BBS5: variants seen among roughly 807,000 people sequenced by gnomAD.
BBS5 encodes the protein Bardet-Biedl syndrome 5, also known as BBSome complex member BBS5.
Under a neutral mutation model 50.2 loss-of-function variants are expected in BBS5, and 39 were observed. The ratio of observed to expected loss-of-function variants is 0.78; its 90% confidence interval spans 0.60 to 1.01. The LOEUF (loss-of-function observed/expected upper bound fraction) is 1.01, where lower values mean the gene tolerates loss of function less well. Ranked by LOEUF, BBS5 falls within the 50% of genes least tolerant of loss-of-function variation. The pLI is 0.00. For missense variants in BBS5, 356 were observed against 401.5 expected (o/e 0.89, Z 0.97); for synonymous variants, 134 against 133.1 (o/e 1.01, Z -0.05).
At position 169,479,514 on chromosome 2, in the gene BBS5, G is replaced by A. The variant is rs1879466; in HGVS notation, c.-40G>A. On this transcript the variant is annotated 5_prime_UTR_variant, in exon 1 of 12. Coordinates refer to ENST00000295240, the MANE Select transcript of BBS5 (RefSeq NM_152384.3). ...GAGCCAGAGAGACGCAGCTAGGCCT[G>A]CACGGCTGTGGAGAGATCCTGCCAC... is the stretch of plus-strand genomic sequence containing the variant. 2 of 1,612,976 alleles carry A rather than the reference G, an allele frequency of 1.2e-6. No homozygotes were observed. The highest frequency in any genetic ancestry group is 1.7e-6 in the Non-Finnish European group (2 of 1,179,150).
rs1167486135 is a variant in BBS5, at chr2:169,479,531, T to A, written c.-23T>A. 6.2e-7 allele frequency: 1 copy of A among 1,614,016 alleles called. No homozygotes were observed. Among genetic ancestry groups the A allele is most frequent in the South Asian group, 1.1e-5 (1 of 91,066 alleles). ...CTAGGCCTGCACGGCTGTGGAGAGA[T>A]CCTGCCACGGGCCTTGTTCACCATG... On this transcript the variant is annotated 5_prime_UTR_variant, in exon 1 of 12. Transcript: ENST00000295240.
chr2:169,490,459 G>A lies in BBS5; in HGVS notation c.386+2345G>A, dbSNP rs569841614. 5.3e-5 allele frequency among the ~76,000 whole-genome samples: 8 copies of A among 152,068 alleles called. No individual in the cohort carries two copies. In the South Asian group the frequency reaches 6.2e-4, roughly 12 times the overall value. ...TCTCGATCTCCTGACCTTGTGATCC[G>A]CCCACCTTGGCCTTCCAAAGTGCTG... On this transcript the variant is annotated intron_variant, in intron 5 of 11. Transcript: ENST00000295240.
At chr2:169,493,634 A>T in intron 6 of BBS5, 107 bp from the exon 7 acceptor site, 1 of 789,740 alleles carries the variant, frequency 1.3e-6, no homozygotes, top group Non-Finnish European at 2.3e-6. Flanking sequence ...ATTGATACTC[A>T]ATTTTGGTAT....
At position 169,504,982 on chromosome 2, in the gene BBS5, TAAAG is replaced by T. The variant is rs1683878702; in HGVS notation, c.*403_*406del. 6 of 1,612,714 alleles carry T rather than the reference TAAAG, an allele frequency of 3.7e-6. No homozygotes were observed. In the South Asian group the frequency reaches 5.5e-5, roughly 15 times the overall value. ...ACGTGTGCTTTTTCAAGGGAGCTGA[TAAAG>T]AACTTCTTCCCAAAATGGCCGAAGC... On this transcript the variant is annotated 3_prime_UTR_variant, in exon 12 of 12. Coordinates refer to ENST00000295240, the MANE Select transcript of BBS5 (RefSeq NM_152384.3).
chr2:169,495,930 C>T (rs1294479070), intron 7 of BBS5, among the ~76,000 whole-genome samples: 8 of 152,188 alleles, frequency 5.3e-5, no homozygotes, highest in Admixed American at 2.0e-4. Flanking sequence ...GGCGTGAGCC[C>T]CCGCCCCTGG....
intron 10 of BBS5, 68 bp from the exon 11 acceptor site, chr2:169,504,235 C>G (rs1683859317): frequency 2.2e-6 from 3 of 1,359,488 alleles, no homozygotes; most frequent in Non-Finnish European, 3.2e-6. Flanking sequence ...TATTAAGTTC[C>G]TTAGCCCACT....
At chr2:169,502,962 A>T in intron 9 of BBS5, 133 bp from the exon 10 acceptor site, 1 of 730,326 alleles carries the variant, frequency 1.4e-6, no homozygotes, top group South Asian at 1.6e-5. Flanking sequence ...TTAGTTTTTT[A>T]ATAAAATAAC....
rs1683882787 is a variant in BBS5, at chr2:169,505,115, T to G, written c.*533T>G. 1.4e-5 allele frequency: 12 copies of G among 875,590 alleles called. No individual in the cohort carries two copies. Among genetic ancestry groups the G allele is most frequent in the Non-Finnish European group, 2.2e-5 (12 of 547,722 alleles). The allele number at this position is 875,590 out of a possible 1,614,324, so 54.2% of individuals were successfully genotyped here. A position where few individuals can be genotyped will look rare whatever the true frequency, so the allele number is the denominator to read the frequency against. ...GATTACAGGCGCGCGCCGCCACACC[T>G]GACTGGTTTTCGTATTTTTTTGGTG... On this transcript the variant is annotated 3_prime_UTR_variant, in exon 12 of 12. Coordinates refer to ENST00000295240, the MANE Select transcript of BBS5 (RefSeq NM_152384.3).
At chr2:169,502,950 TGTTA>T (rs1028207440) in intron 9 of BBS5, 141 bp from the exon 10 acceptor site, 65 of 685,932 alleles carry the variant, frequency 9.5e-5, no homozygotes, top group African/African-American at 7.9e-4. Flanking sequence ...TTTTATTACT[TGTTA>T]GTTTTTTAAT....
In BBS5 at chr2:169,505,684, A is replaced by G. The variant is rs1007471697; in HGVS notation, c.*1102A>G. ...AAGTGAGGAGACCCTCCGCCTGGCA[A>G]CCGCCCCGTCTGATAAGTAAGGAGC... On this transcript the variant is annotated 3_prime_UTR_variant, in exon 12 of 12. Transcript: ENST00000295240. The G allele has an allele frequency of 4.2e-5, 9 of 212,418 alleles. No homozygotes were observed. Among genetic ancestry groups the G allele is most frequent in the Non-Finnish European group, 7.5e-5 (8 of 107,146 alleles). 13.2% of individuals were successfully genotyped at this position (212,418 alleles called of 1,614,324 possible).
In BBS5 at chr2:169,504,365, T is replaced by C. The variant is rs1683862947; in HGVS notation, c.924+39T>C. ...TTTTACCTACAGTATATGAAAAAAG[T>C]TTCTAAATTCCAACATTTAGCATTC... On this transcript the variant is annotated intron_variant, in intron 11 of 11. Coordinates refer to ENST00000295240, the MANE Select transcript of BBS5 (RefSeq NM_152384.3). 7 of 1,607,592 alleles carry C rather than the reference T, an allele frequency of 4.4e-6. No individual in the cohort carries two copies. In the East Asian group the frequency reaches 1.6e-4, roughly 36 times the overall value.
At chr2:169,501,101 G>A (rs1358870348) in intron 9 of BBS5, among the ~76,000 whole-genome samples, 1 of 152,138 alleles carries the variant, frequency 6.6e-6, no homozygotes, top group East Asian at 1.9e-4. Flanking sequence ...GATACACCAG[G>A]ACTTGGATGA....
Position 169,504,804 on chromosome 2 carries a change from C to A in BBS5, c.*222C>A. The A allele has an allele frequency of 1.9e-6, 3 of 1,556,764 alleles. No homozygotes were observed. The highest frequency in any genetic ancestry group is 2.6e-6 in the Non-Finnish European group (3 of 1,145,916). ...GACACATGGCCTAGTAACCGTCCGG[C>A]CGCGGCGCTGGCTTAAGCCATGGCT... On this transcript the variant is annotated 3_prime_UTR_variant, in exon 12 of 12. Transcript: ENST00000295240.
In BBS5 at chr2:169,493,828, C is replaced by A. The variant is rs770667323; in HGVS notation, c.610C>A (p.Leu204Met). The change falls in exon 7 of 12, where the codon CTG becomes ATG. Residue 204 changes from leucine (L) to methionine (M), a missense_variant. Physicochemically the swap from Leu to Met is conservative, Grantham distance 15 (BLOSUM62 2). Transcript: ENST00000295240. ...TAGTTTTAATGTCAGTATACCATAT[C>A]TGCAAATTGTAAGTACATACATTTT... ...NDSFNVSIPY[L>M]QIRSIKIRDS... 3 of 1,589,514 alleles carry A rather than the reference C, an allele frequency of 1.9e-6. No individual in the cohort carries two copies. Among genetic ancestry groups the A allele is most frequent in the Non-Finnish European group, 2.6e-6 (3 of 1,158,080 alleles).
Position 169,503,115 on chromosome 2 carries a change from G to A in BBS5, c.837G>A (p.Leu279=), listed in dbSNP as rs1417798746. ...MEEKPQPLEA[L]TVEQIQDDVE... ...TTCAGCCCCAGCCGCTCGAAGCTCT[G>A]ACAGTCGAACAAATTCAAGATGATG... The change falls in exon 10 of 12, where the codon CTG becomes CTA. Residue 279 remains leucine (L), a synonymous_variant. Coordinates refer to ENST00000295240, the MANE Select transcript of BBS5 (RefSeq NM_152384.3). The A allele has an allele frequency of 6.2e-7, 1 of 1,613,800 alleles. No homozygotes were observed. Among genetic ancestry groups the A allele is most frequent in the African/African-American group, 1.3e-5 (1 of 74,894 alleles).
chr2:169,487,173 C>A, intron 3 of BBS5, 39 bp downstream of exon 3: 1 of 1,435,152 alleles, frequency 7.0e-7, no homozygotes, highest in South Asian at 1.1e-5. Context: ...GAAAAAAAAT[C>A]CTTTGTCAGG....
chr2:169,498,137 A>G (rs150581728), intron 8 of BBS5, among the ~76,000 whole-genome samples: 7 of 152,332 alleles, frequency 4.6e-5, no homozygotes, highest in South Asian at 2.1e-4. Flanking sequence ...TCTTTGAGAA[A>G]CACAAACATA....
In BBS5 at chr2:169,503,182, A is replaced by G. The variant is rs1171931962; in HGVS notation, c.900+4A>G. 6.3e-7 allele frequency: 1 copy of G among 1,599,930 alleles called. No homozygotes were observed. The highest frequency in any genetic ancestry group is 2.2e-5 in the East Asian group (1 of 44,810). ...TGGTCACACGGATGCTTTTGTGGTG[A>G]GCATCACAAAGGACAGCATTAAATT... On this transcript the variant is annotated splice_donor_region_variant and intron_variant, in intron 10 of 11. Coordinates refer to ENST00000295240, the MANE Select transcript of BBS5 (RefSeq NM_152384.3).
At position 169,497,560 on chromosome 2, in the gene BBS5, C is replaced by A. The variant is rs973195531; in HGVS notation, c.619-67C>A. 7.4e-6 allele frequency: 7 copies of A among 952,330 alleles called. No homozygotes were observed. The African/African-American group carries it at 9.8e-5, about 13-fold the overall frequency. The allele number at this position is 952,330 out of a possible 1,614,324, so 59.0% of individuals were successfully genotyped here. On this transcript the variant is annotated intron_variant, in intron 7 of 11. Coordinates refer to ENST00000295240, the MANE Select transcript of BBS5 (RefSeq NM_152384.3). ...GTAAATACTGTGTAAAGTTTAAAAA[C>A]TGAGTTAAAGAGTCACTATTCAGTT...
Sources: gnomAD v4.1 joint callset for allele counts (sites outside exome capture counted in the v4.1 genomes callset) on GRCh38, gnomAD v4.1.1 for gene constraint, MANE v1.5 for transcripts, NCBI Gene and HGNC (gene_info 2026-07-23, HGNC 2026-07-21) for gene names.